The following COL12A1 variants were observed in gnomAD, a reference collection of about 807,000 sequenced individuals.
The protein encoded by COL12A1 is collagen type XII alpha 1 chain.
Under a neutral mutation model 349.7 loss-of-function variants are expected in COL12A1, and 114 were observed. The ratio of observed to expected loss-of-function variants is 0.33; its 90% confidence interval spans 0.28 to 0.38. The LOEUF (loss-of-function observed/expected upper bound fraction) is 0.38. Ranked by LOEUF, COL12A1 falls within the 10% of genes least tolerant of loss-of-function variation. COL12A1 has a pLI of 1.00. For synonymous variants in COL12A1, 1,369 were observed against 1,329.0 expected (o/e 1.03, Z -0.66); for missense variants, 3,284 against 3,756.9 (o/e 0.87, Z 3.29).
intron 13 of COL12A1, among the ~76,000 whole-genome samples, chr6:75,170,664 A>G (rs1382883271): frequency 6.6e-6 from 1 of 152,208 alleles, no homozygotes; most frequent in Non-Finnish European, 1.5e-5. Context: ...AATAGAAATT[A>G]TTGTTTGGTG....
At chr6:75,153,340 T>C (rs2149419213) in intron 17 of COL12A1, among the ~76,000 whole-genome samples, 1 of 152,212 alleles carries the variant, frequency 6.6e-6, no homozygotes, top group African/African-American at 2.4e-5. Context: ...ATCCTCAGTG[T>C]ACAAGCTACA....
intron 32 of COL12A1, among the ~76,000 whole-genome samples, chr6:75,134,510 G>A (rs1194539720): frequency 6.6e-6 from 1 of 152,038 alleles, no homozygotes; most frequent in Non-Finnish European, 1.5e-5. Flanking sequence ...GGCAGAGGAT[G>A]CAGTGAGCCA....
chr6:75,130,157 A>C lies in COL12A1; in HGVS notation c.6144T>G (p.Ala2048=), dbSNP rs748509862. 6.2e-7 allele frequency: 1 copy of C among 1,614,174 alleles called. No homozygotes were observed. Among genetic ancestry groups the C allele is most frequent in the Non-Finnish European group, 8.5e-7 (1 of 1,180,010 alleles). ...TCCTGTACTGCTGAACTGGCCCATCAGCATGATCCCAGGCTACCGAGAGGC... is the reference window on the plus strand; with the variant it reads ...TCCTGTACTGCTGAACTGGCCCATCCGCATGATCCCAGGCTACCGAGAGGC... ...TNSLSVAWDH[A]DGPVQQYRII... is the part of the protein sequence containing the mutation. Residue 2048 remains alanine, a synonymous_variant, in exon 37 of 66, where the codon GCT becomes GCG. Transcript: ENST00000322507.
At chr6:75,101,004 T>A (rs967571645) in intron 58 of COL12A1, among the ~76,000 whole-genome samples, 5 of 152,210 alleles carry the variant, frequency 3.3e-5, no homozygotes, top group African/African-American at 1.2e-4. Context: ...AGAGGTCATG[T>A]TCACCATGCT....
chr6:75,105,180 C>G, intron 54 of COL12A1, 26 bp downstream of exon 54: 1 of 1,583,454 alleles, frequency 6.3e-7, no homozygotes, highest in Non-Finnish European at 8.7e-7. Context: ...AAGGAAAAAC[C>G]AGAGGATCTA....
At chr6:75,155,634 C>G (rs1373944664) in intron 16 of COL12A1, 28 bp downstream of exon 16, 2 of 1,577,840 alleles carry the variant, frequency 1.3e-6, no homozygotes, top group Admixed American at 3.9e-5. Flanking sequence ...TAATTTCATC[C>G]TTTGATACAA....
intron 11 of COL12A1, among the ~76,000 whole-genome samples, chr6:75,178,422 T>C (rs1769091762): frequency 6.6e-6 from 1 of 152,216 alleles, no homozygotes; most frequent in South Asian, 2.1e-4. Context: ...TTTTTATCTG[T>C]ATGGTCATTT....
chr6:75,152,510 G>T (rs1477009537), intron 17 of COL12A1, 28 bp from the exon 18 acceptor site: 5 of 1,611,912 alleles, frequency 3.1e-6, no homozygotes, highest in African/African-American at 1.3e-5. Context: ...AGACAAGACA[G>T]TAAGAAGCAA....
chr6:75,198,564 A>C (rs918841410), intron 2 of COL12A1, among the ~76,000 whole-genome samples: 1 of 151,994 alleles, frequency 6.6e-6, no homozygotes, highest in Non-Finnish European at 1.5e-5. Context: ...TATAGATGAA[A>C]TTTGGTATAT....
chr6:75,091,299 C>G (rs1303550436), intron 62 of COL12A1, 24 bp downstream of exon 62: 1 of 1,594,194 alleles, frequency 6.3e-7, no homozygotes, highest in South Asian at 1.1e-5. Context: ...ACAATTCATA[C>G]AGTAAAAAGA....
Position 75,115,764 on chromosome 6 carries a change from C to A in COL12A1, c.7697+20G>T. 1.3e-6 allele frequency: 2 copies of A among 1,573,820 alleles called. No individual in the cohort carries two copies. Among genetic ancestry groups the A allele is most frequent in the Non-Finnish European group, 1.7e-6 (2 of 1,163,586 alleles). On this transcript the variant is annotated intron_variant, in intron 49 of 65. Coordinates refer to ENST00000322507, the MANE Select transcript of COL12A1 (RefSeq NM_004370.6). ...TTTGCAGGTCTTAAGAAAAGGAAAA[C>A]CTCCTGTTGTCACACTTACGCTGTA...
rs150956946 is a variant in COL12A1, at chr6:75,130,809, C to A, written c.6067+43G>T. 1,680 of 1,608,858 alleles carry A rather than the reference C, an allele frequency of 1.0e-3. 8 individuals are homozygous for A. The highest frequency in any genetic ancestry group is 1.3e-3 in the Non-Finnish European group (1,485 of 1,176,346). ...ATTCAATCAGAGAAGCCCTGCCAAT[C>A]TAGCTACAAGGGAATGGAATGGAGA... On this transcript the variant is annotated intron_variant, in intron 36 of 65. Transcript: ENST00000322507.
intron 13 of COL12A1, among the ~76,000 whole-genome samples, chr6:75,168,728 C>A (rs1398791013): frequency 1.3e-5 from 2 of 152,216 alleles, no homozygotes; most frequent in African/African-American, 2.4e-5. Context: ...CTTCTTTCTA[C>A]TTCTCCTCTC....
At chr6:75,115,334 A>G (rs1769024293) in intron 49 of COL12A1, among the ~76,000 whole-genome samples, 1 of 152,142 alleles carries the variant, frequency 6.6e-6, no homozygotes, top group South Asian at 2.1e-4. Flanking sequence ...CTAGAGCATC[A>G]GCCAATAAAA....
intron 38 of COL12A1, among the ~76,000 whole-genome samples, chr6:75,127,512 T>C (rs1015380777): frequency 6.6e-6 from 1 of 152,194 alleles, no homozygotes; most frequent in African/African-American, 2.4e-5. Flanking sequence ...GTGAATGAAG[T>C]GTAAAACAGC....
intron 16 of COL12A1, 49 bp from the exon 17 acceptor site, chr6:75,154,586 T>C: frequency 6.6e-7 from 1 of 1,526,238 alleles, no homozygotes; most frequent in Non-Finnish European, 8.8e-7. Flanking sequence ...TAGGCTCAAG[T>C]GGTAGCACTT....
At position 75,183,504 on chromosome 6, in the gene COL12A1, A is replaced by C; in HGVS notation, c.1437T>G (p.Ile479Met). The C allele has an allele frequency of 1.9e-6, 3 of 1,614,206 alleles. No homozygotes were observed. The highest frequency in any genetic ancestry group is 1.1e-5 in the South Asian group (1 of 91,084). The change falls in exon 10 of 66, where the codon ATT becomes ATG. Residue 479 changes from isoleucine (I) to methionine (M), a missense_variant. Ile to Met is a conservative substitution (Grantham distance 10). Transcript: ENST00000322507. ...SFEISPNRVQISLVQYSRDPH... is the reference protein window; with the variant it reads ...SFEISPNRVQMSLVQYSRDPH... ...GATCCCGGCTGTATTGCACAAGACT[A>C]ATCTGGACCCTATTTGGTGAAATTT...
At chr6:75,119,722 C>T (rs1769260936) in intron 44 of COL12A1, among the ~76,000 whole-genome samples, 1 of 152,106 alleles carries the variant, frequency 6.6e-6, no homozygotes, top group East Asian at 1.9e-4. Flanking sequence ...ACTATATTCA[C>T]GTTGTGCCTT....
In COL12A1 at chr6:75,122,445, G is replaced by C. The variant is rs533313420; in HGVS notation, c.6946+885C>G. Among the ~76,000 whole-genome samples, 19 of 152,128 alleles carry C rather than the reference G, an allele frequency of 1.2e-4. No individual in the cohort carries two copies. In the South Asian group the frequency reaches 3.7e-3, roughly 30 times the overall value. On this transcript the variant is annotated intron_variant, in intron 43 of 65. Coordinates refer to ENST00000322507, the MANE Select transcript of COL12A1 (RefSeq NM_004370.6). Reference sequence around the variant, plus strand: ...GTGTGGGGAAGGGCAGTCTGTCTGGGAGATGAAAAATCTCTGCATCATCCC... The same window carrying C: ...GTGTGGGGAAGGGCAGTCTGTCTGGCAGATGAAAAATCTCTGCATCATCCC...
Sources: gnomAD v4.1 joint callset for allele counts (sites outside exome capture counted in the v4.1 genomes callset) on GRCh38, gnomAD v4.1.1 for gene constraint, MANE v1.5 for transcripts, NCBI Gene and HGNC (gene_info 2026-07-23, HGNC 2026-07-21) for gene names.